Variants in ENG observed in about 807,000 individuals in gnomAD.
ENG encodes CD105 antigen.
ENG carries 17 observed loss-of-function variants against 71.0 expected under a neutral mutation model. The observed-to-expected ratio is 0.24, with a 90% CI of 0.16 to 0.36. ENG has a LOEUF of 0.36. ENG is among the 10% of genes least tolerant of loss of function. The pLI is 1.00. For missense variants in ENG, 749 were observed against 868.3 expected (o/e 0.86, Z 1.73); for synonymous variants, 360 against 366.9 (o/e 0.98, Z 0.21).
intron 13 of ENG, chr9:127,816,529 C>T (rs1588573230): frequency 7.5e-6 from 2 of 268,244 alleles, no homozygotes; most frequent in East Asian, 9.0e-5. Context: ...TCCTGTGTGG[C>T]TATGGGCCAA....
At chr9:127,840,838 G>A (rs1459830161) in intron 2 of ENG, among the ~76,000 whole-genome samples, 2 of 152,222 alleles carry the variant, frequency 1.3e-5, no homozygotes, top group African/African-American at 2.4e-5. Flanking sequence ...CTCTAGAAGA[G>A]GCAGAGGCTA....
Position 127,818,639 on chromosome 9 carries a change from G to A in ENG, c.1428+77C>T, listed in dbSNP as rs113436710. 1.8e-5 allele frequency: 27 copies of A among 1,517,700 alleles called. No individual in the cohort carries two copies. The African/African-American group carries it at 1.8e-4, about 10-fold the overall frequency. The allele number at this position is 1,517,700 out of a possible 1,614,324, so 94.0% of individuals were successfully genotyped here. On this transcript the variant is annotated intron_variant, in intron 11 of 14. Transcript: ENST00000373203. ...GACTCTGGGAGTCTCATCTCCTCTGGAGTCATGGTGGGAAGAAAGGCGGAG... is the reference window on the plus strand; with the variant it reads ...GACTCTGGGAGTCTCATCTCCTCTGAAGTCATGGTGGGAAGAAAGGCGGAG...
At chr9:127,825,924 C>G (rs1187080200) in intron 4 of ENG, 64 bp from the exon 5 acceptor site, 37 of 1,544,234 alleles carry the variant, frequency 2.4e-5, no homozygotes, top group Non-Finnish European at 3.2e-5. Context: ...GAGCCCCGCC[C>G]TCACCCACAG....
At chr9:127,833,667 A>G (rs1040326289) in intron 2 of ENG, among the ~76,000 whole-genome samples, 1 of 152,190 alleles carries the variant, frequency 6.6e-6, no homozygotes, top group African/African-American at 2.4e-5. Context: ...AGATGATCCA[A>G]AAGCTCTTTT....
At chr9:127,819,732 A>AT (rs1564453471) in intron 9 of ENG, 72 bp from the exon 10 acceptor site, 3 of 1,585,764 alleles carry the variant, frequency 1.9e-6, no homozygotes, top group Non-Finnish European at 2.6e-6. Context: ...CAATACGCCC[A>AT]TTTTTGCAGA....
rs1395851368 is a variant in ENG at position 127,815,651 on chromosome 9, T to C, written c.*31A>G. ...GCTCCCAGCTGGCGGCTGCTCAGTC[T>C]CTCCTGCTGGGCGAGCGCGGGGGGC... On this transcript the variant is annotated 3_prime_UTR_variant, in exon 15 of 15. Coordinates refer to ENST00000373203, the MANE Select transcript of ENG (RefSeq NM_001114753.3). 1.3e-6 allele frequency: 2 copies of C among 1,544,880 alleles called. No homozygotes were observed. Among genetic ancestry groups the C allele is most frequent in the African/African-American group, 2.7e-5 (2 of 73,490 alleles).
chr9:127,815,855 G>T (rs761118628), intron 14 of ENG, 49 bp from the exon 15 acceptor site: 8 of 1,551,910 alleles, frequency 5.2e-6, no homozygotes, highest in Non-Finnish European at 1.7e-6. Flanking sequence ...CCTGGCCAGG[G>T]CCCCTCAATC....
At chr9:127,823,038 A>C (rs951960483) in intron 8 of ENG, among the ~76,000 whole-genome samples, 2 of 151,858 alleles carry the variant, frequency 1.3e-5, no homozygotes, top group Non-Finnish European at 1.5e-5. Flanking sequence ...ACAGGGTTTC[A>C]CCGTGTTGCC....
chr9:127,819,596 G>A (rs1205952102), intron 10 of ENG, 26 bp downstream of exon 10: 2 of 1,612,608 alleles, frequency 1.2e-6, no homozygotes, highest in Non-Finnish European at 1.7e-6. Context: ...GGGCCAGGTG[G>A]GTTAGCACGT....
At chr9:127,844,272 T>G (rs930376802) in intron 1 of ENG, among the ~76,000 whole-genome samples, 1 of 151,826 alleles carries the variant, frequency 6.6e-6, no homozygotes, top group African/African-American at 2.4e-5. Context: ...ATTACAGGCA[T>G]GCACCACCAT....
At position 127,831,318 on chromosome 9, in the gene ENG, G is replaced by A. The variant is rs376272653; in HGVS notation, c.220-1491C>T. ...TGGAACTGCAGGTGCCCACCACGAC[G>A]CATGGCTAATTTTTTGTATTTTTAC... On this transcript the variant is annotated intron_variant, in intron 2 of 14. Transcript: ENST00000373203. 1.4e-3 allele frequency among the ~76,000 whole-genome samples: 210 copies of A among 150,992 alleles called. 2 individuals carry two copies. Among genetic ancestry groups the A allele is most frequent in the African/African-American group, 4.8e-3 (197 of 41,054 alleles).
At chr9:127,829,550 C>T in intron 3 of ENG, 137 bp downstream of exon 3, 4 of 1,199,154 alleles carry the variant, frequency 3.3e-6, no homozygotes, top group Non-Finnish European at 4.7e-6. Flanking sequence ...CCAGGCAGGA[C>T]CCTGGTGAAT....
At position 127,825,751 on chromosome 9, in the gene ENG, G is replaced by T; in HGVS notation, c.633C>A (p.Gly211=). 1.3e-6 allele frequency: 2 copies of T among 1,599,836 alleles called. No individual in the cohort carries two copies. The highest frequency in any genetic ancestry group is 1.7e-6 in the Non-Finnish European group (2 of 1,175,122). ...PALVRGCHLE[G]VAGHKEAHIL... ...TGTGCGCCTCCTTGTGGCCGGCCAC[G>T]CCTTCCAAGTGGCAGCCCCGGACCA... is the stretch of plus-strand genomic sequence containing the variant. Residue 211 remains glycine, a synonymous_variant, in exon 5 of 15, where the codon GGC becomes GGA. Transcript: ENST00000373203.
intron 2 of ENG, among the ~76,000 whole-genome samples, chr9:127,837,641 C>A (rs1324661981): frequency 6.6e-6 from 1 of 152,210 alleles, no homozygotes; most frequent in Non-Finnish European, 1.5e-5. Context: ...ACATAAACAG[C>A]AAGGAACATC....
chr9:127,835,932 G>A (rs1464969398), intron 2 of ENG, among the ~76,000 whole-genome samples: 1 of 152,130 alleles, frequency 6.6e-6, no homozygotes, highest in Non-Finnish European at 1.5e-5. Context: ...TTCCCTGCAG[G>A]CTTGAGGGCA....
intron 1 of ENG, among the ~76,000 whole-genome samples, chr9:127,853,281 G>A (rs1055678936): frequency 2.6e-5 from 4 of 152,040 alleles, no homozygotes; most frequent in Non-Finnish European, 4.4e-5. Context: ...GAAGTTGGCT[G>A]CCCCACCGCT....
Position 127,836,152 on chromosome 9 carries a change from C to T in ENG, c.220-6325G>A, listed in dbSNP as rs1042156881. ...GCACACCGACTTCCCCCTTCTCTCC[C>T]GGCCGGGGGCCCCAGAGGCAAAAAA... On this transcript the variant is annotated intron_variant, in intron 2 of 14. Coordinates refer to ENST00000373203, the MANE Select transcript of ENG (RefSeq NM_001114753.3). This position sits in a 1 kb window ranked among gnomAD's most constrained non-coding sequence, Gnocchi z 4.0. Among the ~76,000 whole-genome samples, 4 of 152,248 alleles carry T rather than the reference C, an allele frequency of 2.6e-5. No homozygotes were observed. Among genetic ancestry groups the T allele is most frequent in the East Asian group, 1.9e-4 (1 of 5,198 alleles).
chr9:127,819,461 C>A, intron 10 of ENG, 161 bp downstream of exon 10: 1 of 883,546 alleles, frequency 1.1e-6, no homozygotes, highest in Non-Finnish European at 1.8e-6. Flanking sequence ...TCACCCTCAG[C>A]AGTCCTGCTC....
At chr9:127,818,937 TCTC>T (rs1830405358) in intron 10 of ENG, 105 bp from the exon 11 acceptor site, 2 of 883,714 alleles carry the variant, frequency 2.3e-6, no homozygotes, top group South Asian at 1.4e-5. Context: ...GTTGCCTGAC[TCTC>T]TTTTTTTTTT....
Sources: allele counts gnomAD v4.1 joint callset (sites outside exome capture counted in the v4.1 genomes callset), GRCh38; gene constraint gnomAD v4.1.1; non-coding constraint Gnocchi (gnomAD v3.1); transcripts MANE v1.5; gene names NCBI Gene and HGNC (gene_info 2026-07-23, HGNC 2026-07-21).